The following BRDT variants were observed in gnomAD, a reference collection of about 807,000 sequenced individuals.
BRDT encodes the protein bromodomain testis-specific protein.
BRDT carries 77 observed loss-of-function variants against 113.9 expected under a neutral mutation model. That is an observed-to-expected ratio of 0.68 (90% CI 0.56 to 0.82). BRDT has a LOEUF of 0.82. BRDT is among the 40% of genes least tolerant of loss of function. The pLI is 0.00. For missense variants in BRDT, 1,027 were observed against 1,105.4 expected (o/e 0.93, Z 1.01); for synonymous variants, 358 against 366.5 (o/e 0.98, Z 0.26).
chr1:91,959,255 T>A (rs1405458311), intron 1 of BRDT, among the ~76,000 whole-genome samples: 1 of 151,898 alleles, frequency 6.6e-6, no homozygotes, highest in Non-Finnish European at 1.5e-5. Flanking sequence ...TGGTCTGTAG[T>A]GATTGGAGTG....
chr1:91,997,962 G>A (rs542600643), intron 15 of BRDT, among the ~76,000 whole-genome samples: 10 of 152,140 alleles, frequency 6.6e-5, no homozygotes, highest in Admixed American at 4.6e-4. Flanking sequence ...TTTCTTATTG[G>A]AAAAATAGTT....
intron 18 of BRDT, among the ~76,000 whole-genome samples, chr1:92,011,353 A>T (rs1287216187): frequency 6.6e-6 from 1 of 152,216 alleles, no homozygotes; most frequent in East Asian, 1.9e-4. Flanking sequence ...TAATGCAACT[A>T]AGGAACTGAA....
At chr1:92,003,475 A>G (rs978481438) in intron 16 of BRDT, among the ~76,000 whole-genome samples, 1 of 152,170 alleles carries the variant, frequency 6.6e-6, no homozygotes, top group African/African-American at 2.4e-5. Context: ...CTTATCTAAT[A>G]TGGTAGCCTC....
At chr1:92,008,522 A>C (rs1687533485) in intron 18 of BRDT, among the ~76,000 whole-genome samples, 1 of 152,166 alleles carries the variant, frequency 6.6e-6, no homozygotes, top group Non-Finnish European at 1.5e-5. Context: ...ATAATCAAGT[A>C]AAGTCTATAG....
intron 11 of BRDT, 29 bp from the exon 12 acceptor site, chr1:91,981,589 G>A (rs774016982): frequency 5.0e-6 from 8 of 1,606,622 alleles, no homozygotes; most frequent in East Asian, 4.5e-5. Context: ...AATTCTTCTG[G>A]CATTTTAATA....
chr1:91,980,842 A>C, intron 9 of BRDT, 27 bp downstream of exon 9: 1 of 1,591,052 alleles, frequency 6.3e-7, no homozygotes, highest in Non-Finnish European at 8.5e-7. Context: ...ATGATAGCTT[A>C]TTAAGACAAT....
At chr1:91,977,706 A>G (rs1318945989) in intron 6 of BRDT, among the ~76,000 whole-genome samples, 3 of 65,428 alleles carry the variant, frequency 4.6e-5, no homozygotes, top group Non-Finnish European at 7.3e-5. Context: ...CGTCTCTACT[A>G]AAAAAAAAAA....
chr1:91,958,515 C>T (rs1049127176), intron 1 of BRDT, among the ~76,000 whole-genome samples: 3 of 152,112 alleles, frequency 2.0e-5, no homozygotes, highest in African/African-American at 4.8e-5. Flanking sequence ...CACGCCCAGC[C>T]GATAGCTCAT....
chr1:91,977,294 A>C lies in BRDT; in HGVS notation c.870A>C (p.Ser290=), dbSNP rs760958725. ...LKEMLAKKHF[S]YAWPFYNPVD... ...AAATGCTTGCAAAGAAACATTTTTC[A>C]TATGCATGGCCCTTTTATAATCCTG... is the stretch of plus-strand genomic sequence containing the variant. Residue 290 remains serine, a synonymous_variant, in exon 6 of 19, where the codon TCA becomes TCC. Transcript: ENST00000399546. The C allele has an allele frequency of 5.0e-6, 8 of 1,614,118 alleles. No individual in the cohort carries two copies. The highest frequency in any genetic ancestry group is 4.4e-5 in the South Asian group (4 of 91,078).
intron 12 of BRDT, among the ~76,000 whole-genome samples, chr1:91,986,088 C>A (rs1268334235): frequency 2.0e-5 from 3 of 152,146 alleles, no homozygotes; most frequent in African/African-American, 7.2e-5. Flanking sequence ...AATATAAAAT[C>A]TTTTAAAATG....
chr1:91,954,089 A>G lies in BRDT; in HGVS notation c.-38+4407A>G, dbSNP rs548162461. On this transcript the variant is annotated intron_variant, in intron 1 of 18. Transcript: ENST00000399546. ...GGGATTCAAGCAATTCTCCTGCCTCAGCCTCCCAAGTAGCTGGGACTACAG... is the reference window on the plus strand; with the variant it reads ...GGGATTCAAGCAATTCTCCTGCCTCGGCCTCCCAAGTAGCTGGGACTACAG... 7.2e-5 allele frequency among the ~76,000 whole-genome samples: 11 copies of G among 152,166 alleles called. No individual in the cohort carries two copies. The South Asian group carries it at 2.3e-3, about 32-fold the overall frequency.
At chr1:91,963,951 A>C (rs1682780791) in intron 2 of BRDT, among the ~76,000 whole-genome samples, 1 of 151,846 alleles carries the variant, frequency 6.6e-6, no homozygotes, top group Non-Finnish European at 1.5e-5. Context: ...TGACCGCTGC[A>C]ACCTCTGCCT....
intron 12 of BRDT, among the ~76,000 whole-genome samples, chr1:91,982,577 C>T (rs1470539389): frequency 6.6e-6 from 1 of 152,134 alleles, no homozygotes; most frequent in Non-Finnish European, 1.5e-5. Flanking sequence ...TTTAAAGAAA[C>T]ATCTCACACA....
chr1:92,008,876 A>G (rs143800294), intron 18 of BRDT, among the ~76,000 whole-genome samples: 2,024 of 152,300 alleles, frequency 0.013, 37 homozygotes, highest in Admixed American at 0.031. Context: ...TGACAATTAT[A>G]TATATTTATG....
chr1:91,958,016 T>G (rs1681984461), intron 1 of BRDT, among the ~76,000 whole-genome samples: 1 of 152,054 alleles, frequency 6.6e-6, no homozygotes, highest in Admixed American at 6.6e-5. Context: ...ACTTTTGTAT[T>G]TTTATCAGAG....
Position 91,984,661 on chromosome 1 carries a change from G to T in BRDT, c.2002+2906G>T, listed in dbSNP as rs780145935. Among the ~76,000 whole-genome samples, 66 of 151,798 alleles carry T rather than the reference G, an allele frequency of 4.3e-4. 1 individual carries two copies. The highest frequency in any genetic ancestry group is 7.4e-4 in the Non-Finnish European group (50 of 67,928). ...TTAAAAAAAATTTTTTTTGAGACAG[G>T]GTCTGGCTCTGTCGCCCAGGCTACA... On this transcript the variant is annotated intron_variant, in intron 12 of 18. Transcript: ENST00000399546.
chr1:91,969,707 T>C (rs1234511430), intron 4 of BRDT, among the ~76,000 whole-genome samples: 1 of 152,122 alleles, frequency 6.6e-6, no homozygotes, highest in Non-Finnish European at 1.5e-5. Flanking sequence ...ATTGATCTTT[T>C]TATTGATCTT....
rs370803066 is a variant in BRDT at position 91,953,508 on chromosome 1, C to T, written c.-38+3826C>T. Among the ~76,000 whole-genome samples the T allele has an allele frequency of 3.9e-4, 60 of 152,090 alleles. No individual in the cohort carries two copies. The Middle Eastern group carries it at 0.01, about 26-fold the overall frequency. ...CAGCCCGGCCAATATGGTGAAACCC[C>T]GTCTCTACTAAAAATACAAAAATTA... On this transcript the variant is annotated intron_variant, in intron 1 of 18. Coordinates refer to ENST00000399546, the MANE Select transcript of BRDT (RefSeq NM_207189.4).
chr1:91,955,477 A>G (rs1681650625), intron 1 of BRDT, among the ~76,000 whole-genome samples: 1 of 152,106 alleles, frequency 6.6e-6, no homozygotes, highest in Non-Finnish European at 1.5e-5. Context: ...AACAACAACA[A>G]AAACCTCTTT....
Sources: allele counts gnomAD v4.1 joint callset (sites outside exome capture counted in the v4.1 genomes callset), GRCh38; gene constraint gnomAD v4.1.1; transcripts MANE v1.5; gene names NCBI Gene and HGNC (gene_info 2026-07-23, HGNC 2026-07-21).